The following CDH23 variants were observed in gnomAD, a reference collection of about 807,000 sequenced individuals.
The protein encoded by CDH23 is cadherin-23.
Under a neutral mutation model 317.1 loss-of-function variants are expected in CDH23, and 189 were observed. The observed-to-expected ratio is 0.60, with a 90% CI of 0.53 to 0.67. CDH23 has a LOEUF of 0.67. CDH23 is among the 30% of genes least tolerant of loss of function. The pLI, the probability that CDH23 is intolerant of heterozygous loss-of-function variation, is 0.00. For missense variants in CDH23, 4,401 were observed against 4,592.4 expected, an observed-to-expected ratio of 0.96 and a Z score of 1.20; for synonymous variants, 1,839 against 1,876.8, an observed-to-expected ratio of 0.98 and a Z score of 0.52.
At chr10:71,676,518 T>C (rs1864377113) in intron 15 of CDH23, among the ~76,000 whole-genome samples, 1 of 151,958 alleles carries the variant, frequency 6.6e-6, no homozygotes, top group African/African-American at 2.4e-5. Flanking sequence ...TCCCAGCTAC[T>C]TGGGAGGCTG....
intron 9 of CDH23, among the ~76,000 whole-genome samples, chr10:71,613,837 G>T (rs1296277906): frequency 2.6e-5 from 4 of 152,186 alleles, no homozygotes; most frequent in African/African-American, 9.7e-5. Flanking sequence ...TCTCTAACGT[G>T]GAATCGGTGT....
chr10:71,582,249 A>T (rs1858690975), intron 9 of CDH23, among the ~76,000 whole-genome samples: 1 of 152,288 alleles, frequency 6.6e-6, no homozygotes, highest in East Asian at 1.9e-4. Flanking sequence ...CGGCCAGTGC[A>T]TTTGCCCACA....
intron 14 of CDH23, among the ~76,000 whole-genome samples, chr10:71,673,223 T>C (rs1013192029): frequency 2.6e-5 from 4 of 152,208 alleles, no homozygotes; most frequent in African/African-American, 9.7e-5. Context: ...TGCCCTGCCC[T>C]CGTCCTTCCC....
chr10:71,587,983 C>A (rs1169766197), intron 9 of CDH23, among the ~76,000 whole-genome samples: 1 of 152,194 alleles, frequency 6.6e-6, no homozygotes, highest in Non-Finnish European at 1.5e-5. Context: ...TGAAGACACC[C>A]ACAAGTCCAC....
chr10:71,812,063 A>G, intron 66 of CDH23, 48 bp downstream of exon 66: 1 of 1,613,814 alleles, frequency 6.2e-7, no homozygotes, highest in South Asian at 1.1e-5. Flanking sequence ...GAGTCCTGCC[A>G]GGACCCAGCT....
chr10:71,654,471 ACC>A (rs1236875893), intron 14 of CDH23, among the ~76,000 whole-genome samples: 1 of 152,226 alleles, frequency 6.6e-6, no homozygotes, highest in Non-Finnish European at 1.5e-5. Context: ...CGCATAAGAA[ACC>A]ACCCAAACTT....
chr10:71,766,313 C>T (rs555715888), intron 38 of CDH23, among the ~76,000 whole-genome samples: 2 of 152,282 alleles, frequency 1.3e-5, no homozygotes, highest in African/African-American at 2.4e-5. Context: ...ATGTGCCAGG[C>T]GGGAACCGTC....
chr10:71,566,127 G>A (rs1857384838), intron 6 of CDH23, among the ~76,000 whole-genome samples: 1 of 152,192 alleles, frequency 6.6e-6, no homozygotes, highest in Non-Finnish European at 1.5e-5. Flanking sequence ...ATGGTGAGGA[G>A]GAGAGGGGCG....
chr10:71,451,365 G>A lies in CDH23; in HGVS notation c.145+4970G>A, dbSNP rs138748394. Among the ~76,000 whole-genome samples, 379 of 152,264 alleles carry A rather than the reference G, an allele frequency of 2.5e-3. 4 individuals are homozygous for A. The highest frequency in any genetic ancestry group is 8.8e-3 in the African/African-American group (364 of 41,564). On this transcript the variant is annotated intron_variant, in intron 3 of 69. Coordinates refer to ENST00000224721, the MANE Select transcript of CDH23 (RefSeq NM_022124.6). ...CTGCTCAAGTCTCTCCCTCCCACAC[G>A]GAGTAAAAGCCCGTGTTCCTCAATG...
chr10:71,621,936 C>T (rs1861483877), intron 11 of CDH23, among the ~76,000 whole-genome samples: 1 of 152,090 alleles, frequency 6.6e-6, no homozygotes, highest in South Asian at 2.1e-4. Context: ...AAGGAAAGGA[C>T]AGGGTGGGCT....
In CDH23 at chr10:71,799,476, G is replaced by GC. The variant is rs1841496644; in HGVS notation, c.7225-11dup. On this transcript the variant is annotated splice_polypyrimidine_tract_variant and intron_variant, in intron 51 of 69. Transcript: ENST00000224721. Reference sequence around the variant, plus strand: ...TGACCTTGGCCTACTCTCTCTCCCTGCCCCCTGGGCTCCAGGAGGCTGTCT... The same window carrying GC: ...TGACCTTGGCCTACTCTCTCTCCCTGCCCCCCTGGGCTCCAGGAGGCTGTCT... 3.7e-6 allele frequency: 6 copies of GC among 1,613,770 alleles called. No individual in the cohort carries two copies. The South Asian group carries it at 4.4e-5, about 12-fold the overall frequency.
chr10:71,799,082 A>G, intron 50 of CDH23, 29 bp from the exon 51 acceptor site: 1 of 1,598,586 alleles, frequency 6.3e-7, no homozygotes, highest in Non-Finnish European at 8.6e-7. Context: ...GGAGTGGCCA[A>G]AATGGCAGTG....
intron 28 of CDH23, among the ~76,000 whole-genome samples, chr10:71,718,952 C>T (rs1388010320): frequency 6.6e-6 from 1 of 151,938 alleles, no homozygotes; most frequent in Non-Finnish European, 1.5e-5. Context: ...GTAGTATGTG[C>T]CTGTGGCCCC....
At chr10:71,424,107 T>G (rs1031214911) in intron 1 of CDH23, among the ~76,000 whole-genome samples, 2 of 152,258 alleles carry the variant, frequency 1.3e-5, no homozygotes, top group Non-Finnish European at 2.9e-5. Flanking sequence ...TGTTCTCAAG[T>G]GTGCCGCCTT....
chr10:71,447,516 G>C (rs937483988), intron 3 of CDH23, among the ~76,000 whole-genome samples: 36 of 152,066 alleles, frequency 2.4e-4, no homozygotes, highest in Admixed American at 2.4e-3. Context: ...TTTGTTGTGG[G>C]GATTGTCCCC....
chr10:71,407,333 A>C (rs1162010130), intron 1 of CDH23, among the ~76,000 whole-genome samples: 1 of 152,082 alleles, frequency 6.6e-6, no homozygotes, highest in Non-Finnish European at 1.5e-5. Context: ...TACAGTCCTG[A>C]CTTCCCCTAT....
In CDH23 at chr10:71,763,999, G is replaced by A. The variant is rs1248814902; in HGVS notation, c.4846-13681G>A. On this transcript the variant is annotated intron_variant, in intron 38 of 69. Transcript: ENST00000224721. ...AGTTTTAGGCAGAGAGCCAAGTCTG[G>A]GAGCCCCAGATTTTTGGAGTCATTG... Among the ~76,000 whole-genome samples the A allele has an allele frequency of 7.9e-5, 12 of 152,286 alleles. No homozygotes were observed. In the East Asian group the frequency reaches 2.1e-3, roughly 27 times the overall value.
At chr10:71,698,921 C>T (rs1324114401) in intron 22 of CDH23, among the ~76,000 whole-genome samples, 1 of 152,180 alleles carries the variant, frequency 6.6e-6, no homozygotes, top group African/African-American at 2.4e-5. Context: ...TGACCTTGGG[C>T]AAGTTGCTTA....
intron 25 of CDH23, 141 bp downstream of exon 25, chr10:71,705,271 C>T: frequency 1.3e-6 from 1 of 770,310 alleles, no homozygotes; most frequent in South Asian, 1.8e-5. Flanking sequence ...AATGAGGTGC[C>T]CTCCCCAGCT....
Sources: allele counts gnomAD v4.1 joint callset (sites outside exome capture counted in the v4.1 genomes callset), GRCh38; gene constraint gnomAD v4.1.1; transcripts MANE v1.5; gene names NCBI Gene and HGNC (gene_info 2026-07-23, HGNC 2026-07-21).